The following ME3 variants were observed in gnomAD, a reference collection of about 807,000 sequenced individuals.
ME3 encodes malic enzyme 3.
ME3 carries 48 observed loss-of-function variants against 68.9 expected under a neutral mutation model. The observed-to-expected ratio is 0.70, with a 90% CI of 0.55 to 0.89. The LOEUF (loss-of-function observed/expected upper bound fraction) is 0.89. ME3 is among the 40% of genes least tolerant of loss of function. The pLI is 0.00. For synonymous variants in ME3, 320 were observed against 318.8 expected (o/e 1.00, Z -0.04); for missense variants, 675 against 797.4 (o/e 0.85, Z 1.85).
intron 7 of ME3, among the ~76,000 whole-genome samples, chr11:86,474,800 C>T (rs1222711817): frequency 1.3e-5 from 2 of 152,210 alleles, no homozygotes; most frequent in East Asian, 3.8e-4. Flanking sequence ...CAACCTTGAT[C>T]AACGCTGCAG....
chr11:86,563,464 GTCT>G (rs1383206914), intron 2 of ME3, among the ~76,000 whole-genome samples: 2 of 152,032 alleles, frequency 1.3e-5, no homozygotes, highest in African/African-American at 4.8e-5. Context: ...ACACTTATAT[GTCT>G]TCTTGTTTCT....
At chr11:86,667,536 T>A (rs1946656997) in intron 2 of ME3, among the ~76,000 whole-genome samples, 1 of 152,192 alleles carries the variant, frequency 6.6e-6, no homozygotes, top group Non-Finnish European at 1.5e-5. Flanking sequence ...TGAAATCATT[T>A]AAAGAACAAA....
chr11:86,575,441 G>T (rs1297325094), intron 2 of ME3, among the ~76,000 whole-genome samples: 1 of 147,478 alleles, frequency 6.8e-6, no homozygotes. Flanking sequence ...AGAGATGTAG[G>T]TGATTCAGCA....
chr11:86,657,470 G>GTTT, intron 2 of ME3, among the ~76,000 whole-genome samples: 1 of 151,640 alleles, frequency 6.6e-6, no homozygotes, highest in East Asian at 1.9e-4. Flanking sequence ...GCCTGTAGGA[G>GTTT]GGGGTGTGGG....
intron 6 of ME3, among the ~76,000 whole-genome samples, chr11:86,492,449 A>G (rs1363033407): frequency 6.6e-6 from 1 of 152,260 alleles, no homozygotes; most frequent in Non-Finnish European, 1.5e-5. Flanking sequence ...TTGTGGAAAC[A>G]ACAAGGCAGA....
intron 11 of ME3, 99 bp downstream of exon 11, chr11:86,448,051 C>T: frequency 1.3e-6 from 1 of 786,102 alleles, no homozygotes; most frequent in Non-Finnish European, 2.1e-6. Flanking sequence ...AGAGCTGTTT[C>T]CATGGGTTAC....
chr11:86,462,547 C>G, intron 8 of ME3: 2 of 1,230,602 alleles, frequency 1.6e-6, no homozygotes, highest in Admixed American at 2.4e-5. Flanking sequence ...GGGCAGGTGT[C>G]CAGTGTAGAC....
chr11:86,442,890 A>G (rs746139996), exon 14 of ME3: 3 of 1,613,362 alleles, frequency 1.9e-6, no homozygotes, highest in Admixed American at 3.3e-5. Flanking sequence ...CCTGGGACAG[A>G]TGCTGCTCAG....
intron 2 of ME3, among the ~76,000 whole-genome samples, chr11:86,577,351 C>G (rs917275519): frequency 2.0e-5 from 3 of 152,188 alleles, no homozygotes; most frequent in Non-Finnish European, 2.9e-5. Flanking sequence ...ACTGCCAACC[C>G]CAACCTTAGA....
chr11:86,485,282 C>A (rs920192595), intron 7 of ME3, among the ~76,000 whole-genome samples: 48 of 152,318 alleles, frequency 3.2e-4, no homozygotes, highest in African/African-American at 1.2e-3. Flanking sequence ...CTCTACCAGG[C>A]TCAGCTTTTG....
chr11:86,579,235 G>T (rs1311009839), intron 2 of ME3, among the ~76,000 whole-genome samples: 1 of 152,050 alleles, frequency 6.6e-6, no homozygotes, highest in Non-Finnish European at 1.5e-5. Flanking sequence ...ATGTAGGCTG[G>T]TTTCGTGCCC....
At chr11:86,567,243 AAAGGAAGGAAGGAAGGAAGG>A in intron 2 of ME3, among the ~76,000 whole-genome samples, 2 of 144,582 alleles carry the variant, frequency 1.4e-5, no homozygotes, top group South Asian at 2.4e-4. Flanking sequence ...GAAAAGAAAG[AAAGGAAGGAAGGAAGGAAGG>A]AAGGAAGGAA....
At chr11:86,579,310 C>G (rs1444908838) in intron 2 of ME3, among the ~76,000 whole-genome samples, 1 of 152,114 alleles carries the variant, frequency 6.6e-6, no homozygotes, top group Non-Finnish European at 1.5e-5. Context: ...GTGTGCAGGT[C>G]CAAACTTGCC....
chr11:86,483,380 G>A (rs1387454321), intron 7 of ME3, among the ~76,000 whole-genome samples: 3 of 152,128 alleles, frequency 2.0e-5, no homozygotes, highest in African/African-American at 7.2e-5. Flanking sequence ...TGGGCCTGTG[G>A]TAACTGGCTC....
intron 6 of ME3, among the ~76,000 whole-genome samples, chr11:86,488,848 G>A (rs573159348): frequency 2.0e-5 from 3 of 152,318 alleles, no homozygotes; most frequent in East Asian, 3.9e-4. Context: ...GCAGAGTGAC[G>A]CTGGTTTGGA....
At chr11:86,647,847 A>T (rs1237239014) in intron 2 of ME3, among the ~76,000 whole-genome samples, 4 of 152,182 alleles carry the variant, frequency 2.6e-5, no homozygotes, top group Non-Finnish European at 4.4e-5. Context: ...AGACAGATCA[A>T]CGAGACATAA....
chr11:86,532,359 C>A (rs978770042), intron 4 of ME3, among the ~76,000 whole-genome samples: 1 of 152,058 alleles, frequency 6.6e-6, no homozygotes, highest in Non-Finnish European at 1.5e-5. Context: ...ACACTTTGAA[C>A]AAAATGGATC....
At chr11:86,587,081 G>A (rs947131094) in intron 2 of ME3, among the ~76,000 whole-genome samples, 1 of 152,210 alleles carries the variant, frequency 6.6e-6, no homozygotes, top group African/African-American at 2.4e-5. Flanking sequence ...TACAAAGGAG[G>A]TAGATGGTAA....
At chr11:86,668,708 C>G (rs552120219) in intron 2 of ME3, among the ~76,000 whole-genome samples, 62 of 152,344 alleles carry the variant, frequency 4.1e-4, no homozygotes, top group African/African-American at 1.4e-3. Context: ...CCCTGGTCGG[C>G]ACCTCTTCTC....
Sources: allele counts gnomAD v4.1 joint callset (sites outside exome capture counted in the v4.1 genomes callset), GRCh38; gene constraint gnomAD v4.1.1; transcripts MANE v1.5; gene names NCBI Gene and HGNC (gene_info 2026-07-23, HGNC 2026-07-21).